Variants in TNRC6B observed in about 807,000 individuals in gnomAD.
The protein encoded by TNRC6B is trinucleotide repeat containing adaptor 6B, also known as trinucleotide repeat-containing gene 6B protein.
Under a neutral mutation model 203.6 loss-of-function variants are expected in TNRC6B, and 52 were observed. That is an observed-to-expected ratio of 0.26 (90% CI 0.20 to 0.32). The LOEUF is 0.32. Among genes scored for constraint, TNRC6B ranks in the 10% least tolerant of loss-of-function variants. The probability of loss-of-function intolerance (pLI) is 1.00; values close to 1 mark genes in which losing one functional copy is unlikely to be tolerated. For synonymous variants in TNRC6B, 838 were observed against 845.7 expected (o/e 0.99, Z 0.16); for missense variants, 1,923 against 2,286.2 (o/e 0.84, Z 3.24).
chr22:40,298,818 TAGCCGGGCGCAG>T (rs1266686270), intron 12 of TNRC6B, among the ~76,000 whole-genome samples: 2 of 151,440 alleles, frequency 1.3e-5, no homozygotes, highest in African/African-American at 2.4e-5. Flanking sequence ...TACCAAAAAT[TAGCCGGGCGCAG>T]TGGCGGGCGC....
intron 1 of TNRC6B, among the ~76,000 whole-genome samples, chr22:40,063,423 A>G (rs942035202): frequency 2.6e-5 from 4 of 152,192 alleles, no homozygotes; most frequent in Non-Finnish European, 5.9e-5. Context: ...TTCCACATGA[A>G]TTTTAGGATC....
Position 40,123,894 on chromosome 22 carries a change from C to CTTT in TNRC6B, c.-46-1863_-46-1861dup, listed in dbSNP as rs58632540. Among the ~76,000 whole-genome samples the CTTT allele has an allele frequency of 6.6e-3, 902 of 135,886 alleles. 16 individuals carry two copies. The highest frequency in any genetic ancestry group is 0.024 in the African/African-American group (867 of 36,836). The allele number at this position is 135,886 out of a possible 152,430, so 89.1% of individuals were successfully genotyped here. On this transcript the variant is annotated intron_variant, in intron 2 of 23. Coordinates refer to the TNRC6B transcript ENST00000301923. ...CAACCTAATTTTTATAGAAAGAGAA[C>CTTT]TTTTTTTTTTTTTTTTTGCACAACT...
At chr22:40,241,768 A>T (rs1209531455) in intron 1 of TNRC6B, among the ~76,000 whole-genome samples, 4 of 152,134 alleles carry the variant, frequency 2.6e-5, no homozygotes, top group Non-Finnish European at 4.4e-5. Context: ...GTGTTTTGAA[A>T]CTATGTGACT....
At chr22:40,120,485 G>C (rs963755669) in intron 2 of TNRC6B, among the ~76,000 whole-genome samples, 1 of 152,104 alleles carries the variant, frequency 6.6e-6, no homozygotes, top group African/African-American at 2.4e-5. Flanking sequence ...ATTTGCCTGC[G>C]TGAATGCAGA....
chr22:40,294,333 C>T (rs2070910602), intron 12 of TNRC6B, among the ~76,000 whole-genome samples: 1 of 152,300 alleles, frequency 6.6e-6, no homozygotes, highest in Non-Finnish European at 1.5e-5. Context: ...TCTGAAATCA[C>T]CACTGTCTGC....
At chr22:40,308,682 C>T (rs532101020) in intron 16 of TNRC6B, 33 bp downstream of exon 16, 9 of 1,583,694 alleles carry the variant, frequency 5.7e-6, no homozygotes, top group Admixed American at 1.9e-5. Flanking sequence ...GAGCCCCCAA[C>T]CCACAGCAGG....
chr22:40,264,563 G>A (rs1372159697), intron 4 of TNRC6B, 125 bp from the exon 5 acceptor site: 1 of 1,058,844 alleles, frequency 9.4e-7, no homozygotes, highest in Non-Finnish European at 1.3e-6. Context: ...CAAGCAACTG[G>A]GTTGAGAGAA....
upstream of TNRC6B, chr22:40,177,924 T>C (rs2069081676): frequency 7.4e-7 from 1 of 1,349,160 alleles, no homozygotes; most frequent in African/African-American, 1.5e-5. Context: ...CTGCTTCCTT[T>C]AGAGACAGAG....
chr22:40,073,582 TA>T (rs200503535), intron 1 of TNRC6B, among the ~76,000 whole-genome samples: 339 of 150,976 alleles, frequency 2.2e-3, no homozygotes, highest in African/African-American at 7.8e-3. Context: ...AAGGGAAACT[TA>T]ACTATAAAAT....
chr22:40,065,761 A>G (rs1452195460), intron 1 of TNRC6B, among the ~76,000 whole-genome samples: 1 of 152,110 alleles, frequency 6.6e-6, no homozygotes, highest in Non-Finnish European at 1.5e-5. Context: ...GCAGAACAGT[A>G]CTTTGGATTA....
chr22:40,243,920 G>C (rs2070067311), intron 1 of TNRC6B, among the ~76,000 whole-genome samples: 2 of 151,356 alleles, frequency 1.3e-5, no homozygotes, highest in Non-Finnish European at 2.9e-5. Flanking sequence ...TTTAATTTTA[G>C]AATAATTTTA....
intron 1 of TNRC6B, among the ~76,000 whole-genome samples, chr22:40,220,180 A>C (rs1455108554): frequency 6.6e-6 from 1 of 152,136 alleles, no homozygotes; most frequent in African/African-American, 2.4e-5. Flanking sequence ...CGAGCTCTGA[A>C]TCTATACTGC....
intron 1 of TNRC6B, among the ~76,000 whole-genome samples, chr22:40,082,017 T>C (rs2068067405): frequency 1.3e-5 from 2 of 152,118 alleles, no homozygotes; most frequent in South Asian, 4.2e-4. Context: ...CTAGCCGCAG[T>C]GCGAGGCCCT....
In TNRC6B at chr22:40,264,849, G is replaced by T. The variant is rs1448533104; in HGVS notation, c.619G>T (p.Asp207Tyr). The change falls in exon 5 of 23, where the codon GAC becomes TAC. Residue 207 changes from aspartate (D) to tyrosine (Y), a missense_variant. Asp to Tyr is a radical substitution (Grantham distance 160, BLOSUM62 -3). Around this residue, in one of 8 missense-constraint regions of TNRC6B, gnomAD observed 614 missense variants for 587.7 expected, o/e 1.04. Coordinates refer to ENST00000454349, the MANE Select transcript of TNRC6B (RefSeq NM_001162501.2). ...AGAGTGGCCTTGTATTGCCAGCAAAGACACTGAATCTTCTTCCGAAAACAC... is the reference window on the plus strand; with the variant it reads ...AGAGTGGCCTTGTATTGCCAGCAAATACACTGAATCTTCTTCCGAAAACAC... ...MEEWPCIASK[D>Y]TESSSENTTD... The T allele has an allele frequency of 6.2e-7, 1 of 1,613,934 alleles. No individual in the cohort carries two copies. Among genetic ancestry groups the T allele is most frequent in the Non-Finnish European group, 8.5e-7 (1 of 1,179,880 alleles).
intron 1 of TNRC6B, among the ~76,000 whole-genome samples, chr22:40,048,392 T>G (rs951246687): frequency 1.3e-5 from 2 of 151,976 alleles, no homozygotes; most frequent in Admixed American, 1.3e-4. Context: ...TACAAAAAAA[T>G]TAGCCGGGTG....
chr22:40,133,122 A>G (rs929958950), intron 3 of TNRC6B, among the ~76,000 whole-genome samples: 3 of 151,630 alleles, frequency 2.0e-5, no homozygotes, highest in South Asian at 2.1e-4. Context: ...AACAGATACT[A>G]CTATTTTATC....
At chr22:40,269,126 C>CTTTTT (rs35575346) in intron 5 of TNRC6B, among the ~76,000 whole-genome samples, 5 of 57,854 alleles carry the variant, frequency 8.6e-5, no homozygotes, top group Admixed American at 2.8e-4. Context: ...TACAGTATTT[C>CTTTTT]TTTTTTTTTT....
At chr22:40,187,204 T>C (rs2069215555) in intron 1 of TNRC6B, among the ~76,000 whole-genome samples, 1 of 152,210 alleles carries the variant, frequency 6.6e-6, no homozygotes, top group Non-Finnish European at 1.5e-5. Flanking sequence ...AATAGGCTAC[T>C]GTACAGCGGA....
At chr22:40,320,054 A>ACT (rs2071314725) in intron 21 of TNRC6B, among the ~76,000 whole-genome samples, 6 of 152,232 alleles carry the variant, frequency 3.9e-5, no homozygotes, top group African/African-American at 1.2e-4. Context: ...AACTACAGAG[A>ACT]AACTGCCTGT....
Sources: gnomAD v4.1 joint callset for allele counts (sites outside exome capture counted in the v4.1 genomes callset) on GRCh38, gnomAD v4.1.1 for gene constraint, gnomAD v4.1.1 regional missense constraint, MANE v1.5 for transcripts, NCBI Gene and HGNC (gene_info 2026-07-23, HGNC 2026-07-21) for gene names.